ACOXL: variants seen among roughly 807,000 people sequenced by gnomAD.
The protein encoded by ACOXL is acyl-coenzyme A oxidase-like protein.
ACOXL carries 70 observed loss-of-function variants against 71.9 expected under a neutral mutation model. The ratio of observed to expected loss-of-function variants is 0.97; its 90% confidence interval spans 0.80 to 1.19. The LOEUF (loss-of-function observed/expected upper bound fraction) is 1.19. Ranked by LOEUF, ACOXL falls within the 50% of genes most tolerant of loss-of-function variation. The pLI, the probability that ACOXL is intolerant of heterozygous loss-of-function variation, is 0.00. For synonymous variants in ACOXL, 253 were observed against 281.6 expected (o/e 0.90, Z 1.02); for missense variants, 703 against 736.3 (o/e 0.95, Z 0.52).
intron 12 of ACOXL, among the ~76,000 whole-genome samples, chr2:110,945,186 A>G (rs936802573): frequency 1.4e-4 from 21 of 152,158 alleles, no homozygotes; most frequent in African/African-American, 4.8e-4. Flanking sequence ...CCACTTTTTA[A>G]CAGAATTGTT....
intron 15 of ACOXL, among the ~76,000 whole-genome samples, chr2:111,047,103 A>G (rs563267801): frequency 1.3e-5 from 2 of 152,362 alleles, no homozygotes; most frequent in East Asian, 3.9e-4. Flanking sequence ...AATCAGGCTC[A>G]GTGGCCTGGT....
chr2:110,835,983 G>A (rs185502880), intron 9 of ACOXL, among the ~76,000 whole-genome samples: 10 of 152,306 alleles, frequency 6.6e-5, no homozygotes, highest in Non-Finnish European at 1.5e-4. Flanking sequence ...AAACAGGCTG[G>A]AAAGGTCGGG....
intron 11 of ACOXL, among the ~76,000 whole-genome samples, chr2:110,921,370 C>T (rs1036205871): frequency 2.1e-5 from 3 of 142,474 alleles, no homozygotes; most frequent in Non-Finnish European, 3.0e-5. Context: ...CTCTCTCTCT[C>T]TGTGTCTCTA....
chr2:111,097,688 T>C (rs948472449), intron 17 of ACOXL, among the ~76,000 whole-genome samples: 10 of 152,182 alleles, frequency 6.6e-5, no homozygotes, highest in Non-Finnish European at 1.0e-4. Flanking sequence ...AGGAGCCAAC[T>C]GAGAGAGCTC....
intron 11 of ACOXL, among the ~76,000 whole-genome samples, chr2:110,929,446 AC>A (rs2149326376): frequency 6.6e-6 from 1 of 152,352 alleles, no homozygotes; most frequent in East Asian, 1.9e-4. Context: ...GCTGTTAAAA[AC>A]ATTCTATTTT....
rs370811592 is a variant in ACOXL at position 111,061,046 on chromosome 2, A to C, written c.1440+11758A>C. On this transcript the variant is annotated intron_variant, in intron 16 of 17. Transcript: ENST00000439055. ...CCTGTGGGACTATAACAAAAACTAA[A>C]TTTATATCATTTGGGGTTCCAGGAA... is the stretch of plus-strand genomic sequence containing the variant. Among the ~76,000 whole-genome samples the C allele has an allele frequency of 2.0e-5, 3 of 152,308 alleles. No individual in the cohort carries two copies. In the South Asian group the frequency reaches 6.2e-4, roughly 32 times the overall value.
chr2:110,742,279 G>A (rs1328103744), intron 1 of ACOXL, among the ~76,000 whole-genome samples: 1 of 152,194 alleles, frequency 6.6e-6, no homozygotes, highest in Non-Finnish European at 1.5e-5. Flanking sequence ...AATTATTGTA[G>A]TGCTGCTCTG....
At chr2:111,100,224 A>G (rs754797035) in intron 17 of ACOXL, 3 of 152,636 alleles carry the variant, frequency 2.0e-5, no homozygotes, top group Admixed American at 1.3e-4. Flanking sequence ...GACCCTATTC[A>G]GTGTGGTGAA....
intron 15 of ACOXL, among the ~76,000 whole-genome samples, chr2:111,046,950 G>A (rs921261987): frequency 3.3e-5 from 5 of 152,206 alleles, no homozygotes; most frequent in Non-Finnish European, 5.9e-5. Context: ...CAGAGTGGTG[G>A]CAGCAGTGGG....
chr2:111,079,458 G>A (rs916387577), intron 16 of ACOXL, among the ~76,000 whole-genome samples: 5 of 152,146 alleles, frequency 3.3e-5, no homozygotes, highest in Admixed American at 3.3e-4. Flanking sequence ...ACAACTTTCT[G>A]GGGCTGCTTT....
chr2:110,815,664 G>A (rs747184053), intron 9 of ACOXL, among the ~76,000 whole-genome samples: 1 of 152,180 alleles, frequency 6.6e-6, no homozygotes, highest in Non-Finnish European at 1.5e-5. Context: ...TGCCTGCATC[G>A]TAGGGACTTC....
rs536710613 is a variant in ACOXL at position 111,011,382 on chromosome 2, T to C, written c.1281+15378T>C. Among the ~76,000 whole-genome samples the C allele has an allele frequency of 2.6e-5, 4 of 152,270 alleles. No homozygotes were observed. The South Asian group carries it at 8.3e-4, about 32-fold the overall frequency. ...TACAAATAGCAGTATGACAGACTTA[T>C]ACCCAACAATATCAATAATTACATT... On this transcript the variant is annotated intron_variant, in intron 14 of 17. Transcript: ENST00000439055.
chr2:110,748,497 G>A (rs996040948), intron 1 of ACOXL, among the ~76,000 whole-genome samples: 1 of 152,088 alleles, frequency 6.6e-6, no homozygotes, highest in African/African-American at 2.4e-5. Context: ...ACATTTCCCC[G>A]GCTGAGTGAC....
At chr2:111,089,096 C>T (rs536131893) in intron 16 of ACOXL, among the ~76,000 whole-genome samples, 3 of 152,132 alleles carry the variant, frequency 2.0e-5, no homozygotes, top group Admixed American at 6.5e-5. Context: ...GTCAAGAGAT[C>T]GAGACCATCC....
chr2:111,031,216 AG>A (rs778779762), intron 14 of ACOXL, among the ~76,000 whole-genome samples: 4 of 152,208 alleles, frequency 2.6e-5, no homozygotes, highest in Non-Finnish European at 5.9e-5. Flanking sequence ...AACAAATGGA[AG>A]CTCCTGACTG....
chr2:110,846,291 G>C (rs573357743), intron 10 of ACOXL, among the ~76,000 whole-genome samples: 1 of 152,104 alleles, frequency 6.6e-6, no homozygotes, highest in East Asian at 1.9e-4. Flanking sequence ...ACAGGAAAAC[G>C]TGGTTCCAAA....
intron 1 of ACOXL, among the ~76,000 whole-genome samples, chr2:110,756,287 C>T (rs531085414): frequency 1.8e-4 from 27 of 152,208 alleles, no homozygotes; most frequent in South Asian, 6.2e-4. Context: ...ACACCACGCT[C>T]GGCTAATTTT....
intron 2 of ACOXL, among the ~76,000 whole-genome samples, chr2:110,770,096 C>T (rs1681700523): frequency 6.6e-6 from 1 of 152,108 alleles, no homozygotes; most frequent in African/African-American, 2.4e-5. Context: ...CTCTGAGACC[C>T]CCTAAGGGAG....
At chr2:110,748,446 C>T (rs1157053327) in intron 1 of ACOXL, among the ~76,000 whole-genome samples, 1 of 152,178 alleles carries the variant, frequency 6.6e-6, no homozygotes, top group Non-Finnish European at 1.5e-5. Context: ...CTGAGTCTTT[C>T]TTCCCTGCTA....
Sources: gnomAD v4.1 joint callset for allele counts (sites outside exome capture counted in the v4.1 genomes callset) on GRCh38, gnomAD v4.1.1 for gene constraint, MANE v1.5 for transcripts, NCBI Gene and HGNC (gene_info 2026-07-23, HGNC 2026-07-21) for gene names.